ZNF385B: variants seen among roughly 807,000 people sequenced by gnomAD.
ZNF385B encodes zinc finger protein 385B.
In ZNF385B, 23 loss-of-function variants were observed where a neutral mutation model predicts 39.2. The observed-to-expected ratio is 0.59, with a 90% confidence interval of 0.42 to 0.83. The LOEUF (loss-of-function observed/expected upper bound fraction) is 0.83, where lower values mean the gene tolerates loss of function less well. ZNF385B is among the 40% of genes least tolerant of loss of function. ZNF385B has a pLI of 0.00. For synonymous variants in ZNF385B, 205 were observed against 222.6 expected, an observed-to-expected ratio of 0.92 and a Z score of 0.70; for missense variants, 552 against 598.9, an observed-to-expected ratio of 0.92 and a Z score of 0.82.
At chr2:179,544,460 T>C (rs2060104737) in intron 4 of ZNF385B, among the ~76,000 whole-genome samples, 1 of 152,066 alleles carries the variant, frequency 6.6e-6, no homozygotes, top group African/African-American at 2.4e-5. Context: ...TTTTTTTTTT[T>C]CTAAGAGAAG....
At chr2:179,826,591 T>C (rs1450630032) in intron 1 of ZNF385B, among the ~76,000 whole-genome samples, 1 of 151,918 alleles carries the variant, frequency 6.6e-6, no homozygotes, top group Non-Finnish European at 1.5e-5. Context: ...AAGCAGGGGG[T>C]CAGCAGCAAG....
At chr2:179,724,895 T>G (rs1350964001) in intron 3 of ZNF385B, among the ~76,000 whole-genome samples, 1 of 152,170 alleles carries the variant, frequency 6.6e-6, no homozygotes, top group Non-Finnish European at 1.5e-5. Flanking sequence ...TTTATAGAAA[T>G]TAATGTAAGA....
chr2:179,511,870 C>G (rs2057713427), intron 5 of ZNF385B, among the ~76,000 whole-genome samples: 1 of 151,666 alleles, frequency 6.6e-6, no homozygotes, highest in African/African-American at 2.4e-5. Flanking sequence ...TAACCTGACA[C>G]CAAAAAACAA....
Position 179,446,667 on chromosome 2 carries a change from TG to T in ZNF385B, c.818del (p.Ala273GlufsTer37). 1 of 1,614,150 alleles carries T rather than the reference TG, an allele frequency of 6.2e-7. No homozygotes were observed. The highest frequency in any genetic ancestry group is 8.5e-7 in the Non-Finnish European group (1 of 1,180,008). On this transcript the variant is annotated frameshift_variant, in exon 7 of 10. Coordinates refer to ENST00000410066, the MANE Select transcript of ZNF385B (RefSeq NM_152520.6). LOFTEE classifies it high-confidence loss of function. ...KSGTTPLPPG[A>X]ATSPSKSTNG... ...TTGTGCTCTTGGAGGGAGAAGTGGC[TG>T]CTCCAGGTGGCAGGGGTGTTGTGCC...
At chr2:179,588,509 G>A (rs79497961) in intron 3 of ZNF385B, among the ~76,000 whole-genome samples, 17,487 of 152,132 alleles carry the variant, frequency 0.11, 1,284 homozygotes, top group Non-Finnish European at 0.17. Context: ...CCCCATGCAA[G>A]CAGGGAGAAA....
intron 6 of ZNF385B, among the ~76,000 whole-genome samples, chr2:179,452,869 T>C (rs1221070832): frequency 1.3e-5 from 2 of 152,170 alleles, no homozygotes; most frequent in Non-Finnish European, 2.9e-5. Flanking sequence ...ACTACTCAAC[T>C]CTGCTTTGTA....
intron 3 of ZNF385B, among the ~76,000 whole-genome samples, chr2:179,736,742 G>C (rs1701783789): frequency 6.6e-6 from 1 of 152,122 alleles, no homozygotes; most frequent in Non-Finnish European, 1.5e-5. Flanking sequence ...GGCCCAGGTG[G>C]GTGGATTGCC....
chr2:179,638,129 G>T (rs1271901877), intron 3 of ZNF385B, among the ~76,000 whole-genome samples: 1 of 152,082 alleles, frequency 6.6e-6, no homozygotes, highest in African/African-American at 2.4e-5. Context: ...GAATAAATTC[G>T]AGAGGTCTTC....
At chr2:179,846,600 C>G (rs1321624095) in intron 1 of ZNF385B, among the ~76,000 whole-genome samples, 1 of 152,222 alleles carries the variant, frequency 6.6e-6, no homozygotes, top group African/African-American at 2.4e-5. Context: ...TTCCCCTCTA[C>G]AGGCTGGCCT....
chr2:179,716,841 T>C (rs558509819), intron 3 of ZNF385B, among the ~76,000 whole-genome samples: 1 of 152,294 alleles, frequency 6.6e-6, no homozygotes, highest in South Asian at 2.1e-4. Context: ...CACACTAGCC[T>C]GTATGAAGAG....
chr2:179,853,620 C>A (rs1684350810), intron 1 of ZNF385B, among the ~76,000 whole-genome samples: 1 of 152,182 alleles, frequency 6.6e-6, no homozygotes, highest in Non-Finnish European at 1.5e-5. Flanking sequence ...CAGAGTTGCA[C>A]AAGTTATCTT....
chr2:179,728,401 A>G (rs1362201807), intron 3 of ZNF385B, among the ~76,000 whole-genome samples: 1 of 152,120 alleles, frequency 6.6e-6, no homozygotes, highest in Non-Finnish European at 1.5e-5. Flanking sequence ...TTTAACACCC[A>G]CATAACTACG....
At chr2:179,645,410 A>T (rs1478522948) in intron 3 of ZNF385B, among the ~76,000 whole-genome samples, 1 of 152,228 alleles carries the variant, frequency 6.6e-6, no homozygotes. Flanking sequence ...ACATCCACAC[A>T]TCACAAATCT....
chr2:179,515,354 A>G (rs1413414997), intron 5 of ZNF385B, among the ~76,000 whole-genome samples: 1 of 152,162 alleles, frequency 6.6e-6, no homozygotes, highest in Non-Finnish European at 1.5e-5. Flanking sequence ...GATTTTTGCA[A>G]TTTAATTCTG....
At chr2:179,471,159 G>A (rs1159058232) in intron 6 of ZNF385B, among the ~76,000 whole-genome samples, 1 of 152,114 alleles carries the variant, frequency 6.6e-6, no homozygotes, top group East Asian at 1.9e-4. Flanking sequence ...CTTTGCAATT[G>A]TGACCATAAA....
At chr2:179,762,302 G>T (rs1448067057) in intron 3 of ZNF385B, among the ~76,000 whole-genome samples, 2 of 151,850 alleles carry the variant, frequency 1.3e-5, no homozygotes, top group African/African-American at 4.8e-5. Flanking sequence ...TGATTCTCCT[G>T]CCTCAGCCTC....
At chr2:179,657,657 A>C (rs1693945922) in intron 3 of ZNF385B, among the ~76,000 whole-genome samples, 1 of 152,246 alleles carries the variant, frequency 6.6e-6, no homozygotes, top group African/African-American at 2.4e-5. Flanking sequence ...ATACAGTTTC[A>C]GCAATCCTAG....
intron 6 of ZNF385B, among the ~76,000 whole-genome samples, chr2:179,447,788 G>C (rs75319623): frequency 0.014 from 2,081 of 152,264 alleles, 41 homozygotes; most frequent in Middle Eastern, 0.037. Context: ...TGGCCTAGAA[G>C]ACTAAGAGGG....
Position 179,553,810 on chromosome 2 carries a change from C to T in ZNF385B, c.299-8841G>A, listed in dbSNP as rs1457732927. 2.7e-5 allele frequency among the ~76,000 whole-genome samples: 4 copies of T among 149,340 alleles called. 1 individual carries two copies. The highest frequency in any genetic ancestry group is 2.1e-4 in the South Asian group (1 of 4,672). ...TTAATATACTAACAGGCACTGTGGA[C>T]ATCTAGGCAGAAAAAATTTCTTCCC... On this transcript the variant is annotated intron_variant, in intron 3 of 9. Coordinates refer to ENST00000410066, the MANE Select transcript of ZNF385B (RefSeq NM_152520.6).
Sources: allele counts gnomAD v4.1 joint callset (sites outside exome capture counted in the v4.1 genomes callset), GRCh38; gene constraint gnomAD v4.1.1; transcripts MANE v1.5; gene names NCBI Gene and HGNC (gene_info 2026-07-23, HGNC 2026-07-21).